The following ZFAND3 variants were observed in gnomAD, a reference collection of about 807,000 sequenced individuals.
ZFAND3 encodes the protein AN1-type zinc finger protein 3.
ZFAND3 carries 10 observed loss-of-function variants against 29.6 expected under a neutral mutation model. That is an observed-to-expected ratio of 0.34 (90% CI 0.21 to 0.57). The LOEUF (loss-of-function observed/expected upper bound fraction) is 0.57. Ranked by LOEUF, ZFAND3 falls within the 20% of genes least tolerant of loss-of-function variation. ZFAND3 has a pLI of 0.86. For synonymous variants in ZFAND3, 128 were observed against 112.6 expected (o/e 1.14, Z -0.87); for missense variants, 230 against 304.5 (o/e 0.76, Z 1.82).
chr6:37,878,188 G>A (rs1370813976), intron 1 of ZFAND3, among the ~76,000 whole-genome samples: 1 of 152,188 alleles, frequency 6.6e-6, no homozygotes, highest in Non-Finnish European at 1.5e-5. Flanking sequence ...GATTTATGGA[G>A]GTTCTCCACA....
At chr6:37,829,643 G>A (rs1763823612) in intron 1 of ZFAND3, among the ~76,000 whole-genome samples, 1 of 152,188 alleles carries the variant, frequency 6.6e-6, no homozygotes, top group Non-Finnish European at 1.5e-5. Flanking sequence ...GATTTGGGAG[G>A]ACATGTTCAT....
At chr6:38,098,289 G>C (rs1043793599) in intron 4 of ZFAND3, among the ~76,000 whole-genome samples, 1 of 152,098 alleles carries the variant, frequency 6.6e-6, no homozygotes, top group African/African-American at 2.4e-5. Context: ...TGGAACTACA[G>C]GTGCATGCCA....
chr6:38,090,518 G>C (rs936444083), intron 4 of ZFAND3, among the ~76,000 whole-genome samples: 1 of 152,144 alleles, frequency 6.6e-6, no homozygotes, highest in Non-Finnish European at 1.5e-5. Context: ...TATTTGGCAA[G>C]ATTGCAAAAA....
chr6:37,837,661 C>T (rs1200312771), intron 1 of ZFAND3, among the ~76,000 whole-genome samples: 1 of 152,104 alleles, frequency 6.6e-6, no homozygotes, highest in Non-Finnish European at 1.5e-5. Context: ...TGCGCCACCA[C>T]ACCCGGCTAA....
intron 1 of ZFAND3, among the ~76,000 whole-genome samples, chr6:37,915,326 A>C (rs547202614): frequency 6.6e-6 from 1 of 152,248 alleles, no homozygotes; most frequent in African/African-American, 2.4e-5. Flanking sequence ...TGTTCACTGG[A>C]GTAGGATTTT....
At chr6:37,879,093 A>G (rs1332722921) in intron 1 of ZFAND3, among the ~76,000 whole-genome samples, 1 of 152,204 alleles carries the variant, frequency 6.6e-6, no homozygotes, top group Admixed American at 6.5e-5. Context: ...TAGCCAAAGT[A>G]AATTGATTTT....
intron 5 of ZFAND3, chr6:38,142,398 C>G: frequency 2.1e-6 from 1 of 469,362 alleles, no homozygotes; most frequent in Non-Finnish European, 4.4e-6. Context: ...GCCACAGCTC[C>G]CTGGTGAGCC....
intron 1 of ZFAND3, among the ~76,000 whole-genome samples, chr6:37,908,542 T>TAAAAAAAAAAAAAAAAAA (rs70981504): frequency 8.1e-5 from 10 of 124,120 alleles, no homozygotes; most frequent in Non-Finnish European, 9.9e-5. Context: ...AAAAAAAAAT[T>TAAAAAAAAAAAAAAAAAA]AAAAAAAAAA....
intron 5 of ZFAND3, among the ~76,000 whole-genome samples, chr6:38,120,020 A>G (rs1379766909): frequency 6.6e-6 from 1 of 152,200 alleles, no homozygotes; most frequent in Non-Finnish European, 1.5e-5. Context: ...TCAGGGTGCC[A>G]ATTAGAAAAG....
intron 5 of ZFAND3, among the ~76,000 whole-genome samples, chr6:38,144,219 A>ATTTTTTT: frequency 3.6e-5 from 1 of 27,982 alleles, no homozygotes; most frequent in East Asian, 5.4e-4. Context: ...ATAATATATA[A>ATTTTTTT]TATATATATA....
intron 2 of ZFAND3, among the ~76,000 whole-genome samples, chr6:37,966,818 A>G (rs777967104): frequency 2.0e-5 from 3 of 152,086 alleles, no homozygotes; most frequent in Non-Finnish European, 4.4e-5. Context: ...ACGTCCCCAT[A>G]ATGCCCCTTT....
rs70981523 is a variant in ZFAND3, at chr6:38,120,320, C to CTTTTTTTTTTTTTTTTTTT, written c.529+3593_529+3611dup. 7.7e-4 allele frequency among the ~76,000 whole-genome samples: 47 copies of CTTTTTTTTTTTTTTTTTTT among 60,732 alleles called. 11 individuals carry two copies. Among genetic ancestry groups the CTTTTTTTTTTTTTTTTTTT allele is most frequent in the Non-Finnish European group, 9.1e-4 (29 of 31,824 alleles). 39.8% of individuals were successfully genotyped at this position (60,732 alleles called of 152,430 possible). On this transcript the variant is annotated intron_variant, in intron 5 of 5. Transcript: ENST00000287218. ...TGATTGATACACGTAGCTTGGCTTC[C>CTTTTTTTTTTTTTTTTTTT]TTTTTTTTTTTTTTTTTTTTTTTTT... is the stretch of plus-strand genomic sequence containing the variant.
At chr6:37,838,964 T>A (rs1204092889) in intron 1 of ZFAND3, among the ~76,000 whole-genome samples, 1 of 152,176 alleles carries the variant, frequency 6.6e-6, no homozygotes, top group Non-Finnish European at 1.5e-5. Context: ...TTTCTTCACA[T>A]CTTTGCCAAT....
At chr6:38,064,451 G>A (rs1157852160) in intron 3 of ZFAND3, among the ~76,000 whole-genome samples, 2 of 152,174 alleles carry the variant, frequency 1.3e-5, no homozygotes, top group East Asian at 1.9e-4. Flanking sequence ...GGTCACAAAC[G>A]AGTAGATACC....
At chr6:38,089,244 C>G (rs1225328319) in intron 4 of ZFAND3, among the ~76,000 whole-genome samples, 2 of 151,928 alleles carry the variant, frequency 1.3e-5, no homozygotes, top group South Asian at 4.2e-4. Flanking sequence ...TGCCTCACCC[C>G]CACCCCCCAA....
intron 1 of ZFAND3, among the ~76,000 whole-genome samples, chr6:37,876,983 A>G (rs1764805065): frequency 6.6e-6 from 1 of 152,204 alleles, no homozygotes; most frequent in Non-Finnish European, 1.5e-5. Context: ...TGCCTGCAAC[A>G]ATCATTTCCT....
At chr6:37,917,722 G>A (rs1761285462) in intron 1 of ZFAND3, among the ~76,000 whole-genome samples, 1 of 152,080 alleles carries the variant, frequency 6.6e-6, no homozygotes, top group African/African-American at 2.4e-5. Flanking sequence ...GCATTGGACT[G>A]GGAATAAGGA....
chr6:38,154,229 C>A lies in ZFAND3; in HGVS notation c.*1840C>A. 1 of 985,558 alleles carries A rather than the reference C, an allele frequency of 1.0e-6. No individual in the cohort carries two copies. The highest frequency in any genetic ancestry group is 1.2e-6 in the Non-Finnish European group (1 of 830,030). 61.1% of individuals were successfully genotyped at this position (985,558 alleles called of 1,614,324 possible). A position where few individuals can be genotyped will look rare whatever the true frequency, so the allele number is the denominator to read the frequency against. ...ATAGGCTTCCGCCAAGCTCTGGTCC[C>A]GAAGAGGCTGTGCGAGCCCTTCCCG... On this transcript the variant is annotated 3_prime_UTR_variant, in exon 6 of 6. Coordinates refer to ENST00000287218, the MANE Select transcript of ZFAND3 (RefSeq NM_021943.3).
chr6:37,883,636 G>C (rs1266046575), intron 1 of ZFAND3, among the ~76,000 whole-genome samples: 1 of 143,428 alleles, frequency 7.0e-6, no homozygotes, highest in Non-Finnish European at 1.5e-5. Context: ...TCTGCCTCCT[G>C]GGTTCAAGCA....
Sources: gnomAD v4.1 joint callset for allele counts (sites outside exome capture counted in the v4.1 genomes callset) on GRCh38, gnomAD v4.1.1 for gene constraint, MANE v1.5 for transcripts, NCBI Gene and HGNC (gene_info 2026-07-23, HGNC 2026-07-21) for gene names.